UTY: variants seen among roughly 807,000 people sequenced by gnomAD.
UTY encodes the protein histone demethylase UTY.
A neutral mutation model predicts 32.5 loss-of-function variants in UTY; 12 were observed. The observed-to-expected ratio is 0.37, with a 90% CI of 0.24 to 0.60. The LOEUF (loss-of-function observed/expected upper bound fraction) is 0.60. UTY is among the 20% of genes least tolerant of loss of function. The pLI is 0.69. For missense variants in UTY, 303 were observed against 299.2 expected (o/e 1.01, Z -0.09); for synonymous variants, 131 against 103.4 (o/e 1.27, Z -1.62).
chrY:13,303,049 T>A, intron 24 of UTY, 58 bp from the exon 25 acceptor site: 1 of 206,814 alleles, frequency 4.8e-6, no homozygotes. Context: ...TGGAGAAATG[T>A]GCCTTTAAAT....
At chrY:13,475,808 C>T (rs2078993982) in intron 2 of UTY, among the ~76,000 whole-genome samples, 1 of 33,501 alleles carries the variant, frequency 3.0e-5, no homozygotes, top group Non-Finnish European at 7.4e-5. Flanking sequence ...GAGCAGATCA[C>T]CTGAGGTCAG....
At chrY:13,262,515 C>T in intron 27 of UTY, among the ~76,000 whole-genome samples, 1 of 30,647 alleles carries the variant, frequency 3.3e-5, no homozygotes, top group Admixed American at 3.1e-4. Flanking sequence ...AACAACATTA[C>T]GTTCCCCCAA....
At chrY:13,233,906 A>G, downstream of UTY, among the ~76,000 whole-genome samples, 1 of 34,451 alleles carries the variant, frequency 2.9e-5, no homozygotes, top group African/African-American at 1.1e-4. Context: ...TTCAGTGACA[A>G]AGACAGAACT....
chrY:13,429,100 G>A (rs934536656), intron 4 of UTY, among the ~76,000 whole-genome samples: 66 of 33,729 alleles, frequency 2.0e-3, no homozygotes, highest in African/African-American at 5.5e-3. Flanking sequence ...ACATAAGAGC[G>A]TATCACCAGC....
downstream of UTY, among the ~76,000 whole-genome samples, chrY:13,245,574 T>C (rs2053938810): frequency 5.8e-5 from 2 of 34,384 alleles, no homozygotes; most frequent in Non-Finnish European, 1.5e-4. Context: ...CTGTGAACTT[T>C]ATTCCTTAAA....
At chrY:13,348,355 G>C in intron 17 of UTY, among the ~76,000 whole-genome samples, 1 of 34,091 alleles carries the variant, frequency 2.9e-5, no homozygotes, top group African/African-American at 1.1e-4. Flanking sequence ...GTCGCCCTTT[G>C]TATCTATGGG....
intron 2 of UTY, among the ~76,000 whole-genome samples, chrY:13,478,424 AAAT>A (rs2079309376): frequency 3.0e-5 from 1 of 33,409 alleles, no homozygotes; most frequent in Non-Finnish European, 7.4e-5. Context: ...TTCTACTTTT[AAAT>A]AATAATAATT....
chrY:13,464,547 G>A (rs2077713941), intron 3 of UTY, among the ~76,000 whole-genome samples: 1 of 32,446 alleles, frequency 3.1e-5, no homozygotes, highest in African/African-American at 1.2e-4. Context: ...CAAAGCAGGC[G>A]TATCACTTGA....
chrY:13,278,968 A>G, intron 27 of UTY, among the ~76,000 whole-genome samples: 1 of 34,144 alleles, frequency 2.9e-5, no homozygotes, highest in East Asian at 7.8e-4. Context: ...GGTCTGAACC[A>G]GTGCAGTCCC....
At chrY:13,326,409 A>G in intron 18 of UTY, 59 bp from the exon 19 acceptor site, 1 of 330,794 alleles carries the variant, frequency 3.0e-6, no homozygotes, top group Admixed American at 8.9e-5. Context: ...ACTAGAAAAA[A>G]AAGAAAATCT....
chrY:13,415,925 ATTAT>A (rs2071623040), intron 4 of UTY, among the ~76,000 whole-genome samples: 2 of 33,488 alleles, frequency 6.0e-5, no homozygotes, highest in Non-Finnish European at 7.4e-5. Context: ...TACACACTGC[ATTAT>A]TTATTTATTT....
chrY:13,325,314 A>C, intron 19 of UTY, among the ~76,000 whole-genome samples: 1 of 33,240 alleles, frequency 3.0e-5, no homozygotes, highest in Non-Finnish European at 7.4e-5. Flanking sequence ...TTAATATTGA[A>C]CATCTGTCCA....
At chrY:13,432,708 G>A (rs1011880256) in intron 4 of UTY, among the ~76,000 whole-genome samples, 9 of 33,607 alleles carry the variant, frequency 2.7e-4, no homozygotes, top group Admixed American at 2.4e-3. Context: ...AAACAATGTC[G>A]TAGGCAAAAG....
chrY:13,433,834 T>C, intron 4 of UTY, among the ~76,000 whole-genome samples: 1 of 33,866 alleles, frequency 3.0e-5, no homozygotes. Flanking sequence ...GCAAGACTTA[T>C]CTACATAAAT....
chrY:13,261,575 A>G (rs775483285), intron 27 of UTY, among the ~76,000 whole-genome samples: 6 of 32,941 alleles, frequency 1.8e-4, no homozygotes, highest in South Asian at 6.6e-4. Context: ...AATTTCCTTC[A>G]TTTATATTTT....
At chrY:13,412,594 T>C in intron 5 of UTY, among the ~76,000 whole-genome samples, 2 of 32,932 alleles carry the variant, frequency 6.1e-5, no homozygotes, top group African/African-American at 2.4e-4. Flanking sequence ...ATCACAATTA[T>C]ATGAAAATTA....
intron 4 of UTY, among the ~76,000 whole-genome samples, chrY:13,444,974 G>T (rs2075516310): frequency 3.4e-5 from 1 of 29,414 alleles, no homozygotes; most frequent in South Asian, 7.8e-4. Context: ...TGGCCAACAG[G>T]GTACAACCCT....
chrY:13,384,394 A>C, intron 8 of UTY, among the ~76,000 whole-genome samples: 1 of 33,640 alleles, frequency 3.0e-5, no homozygotes, highest in Non-Finnish European at 7.4e-5. Context: ...TGGCAGGCCA[A>C]GGGGATCACT....
At chrY:13,248,106 T>G (rs2148329813), downstream of UTY, among the ~76,000 whole-genome samples, 2 of 33,818 alleles carry the variant, frequency 5.9e-5, no homozygotes, top group South Asian at 1.3e-3. Context: ...ATTAGGTATG[T>G]GATGATTACT....
Sources: gnomAD v4.1 joint callset for allele counts (sites outside exome capture counted in the v4.1 genomes callset) on GRCh38, gnomAD v4.1.1 for gene constraint, MANE v1.5 for transcripts, NCBI Gene and HGNC (gene_info 2026-07-23, HGNC 2026-07-21) for gene names.